The following XYLT1 variants were observed in gnomAD, a reference collection of about 807,000 sequenced individuals.
The protein encoded by XYLT1 is xylosyltransferase 1.
In XYLT1, 36 loss-of-function variants were observed where a neutral mutation model predicts 91.3. That is an observed-to-expected ratio of 0.39 (90% CI 0.30 to 0.52). The LOEUF (loss-of-function observed/expected upper bound fraction) is 0.52, where lower values mean the gene tolerates loss of function less well. XYLT1 is among the 20% of genes least tolerant of loss of function. The pLI, the probability that XYLT1 is intolerant of heterozygous loss-of-function variation, is 0.68. For missense variants in XYLT1, 1,242 were observed against 1,284.5 expected (o/e 0.97, Z 0.51); for synonymous variants, 588 against 532.0 (o/e 1.11, Z -1.45).
chr16:17,455,618 A>G (rs1279961865), intron 1 of XYLT1, among the ~76,000 whole-genome samples: 1 of 134,238 alleles, frequency 7.4e-6, no homozygotes, highest in Admixed American at 7.5e-5. Context: ...AAATAAATAA[A>G]TAAATAAAAG....
intron 2 of XYLT1, chr16:17,355,047 A>C (rs2035275307): frequency 6.5e-6 from 1 of 152,672 alleles, no homozygotes. Flanking sequence ...CATCGTTTGC[A>C]GACAAATTGA....
At chr16:17,204,359 A>G (rs1365298593) in intron 3 of XYLT1, among the ~76,000 whole-genome samples, 1 of 151,990 alleles carries the variant, frequency 6.6e-6, no homozygotes, top group Non-Finnish European at 1.5e-5. Flanking sequence ...CCAGCAAGAG[A>G]GCTCCCTTGG....
chr16:17,199,715 G>A (rs547771289), intron 4 of XYLT1, among the ~76,000 whole-genome samples: 1 of 152,070 alleles, frequency 6.6e-6, no homozygotes, highest in Non-Finnish European at 1.5e-5. Flanking sequence ...TCTTGCTGCC[G>A]CCATGTAAGA....
At chr16:17,342,883 T>C (rs1441441670) in intron 2 of XYLT1, among the ~76,000 whole-genome samples, 1 of 152,224 alleles carries the variant, frequency 6.6e-6, no homozygotes, top group Non-Finnish European at 1.5e-5. Flanking sequence ...TGATCAATAT[T>C]ATCACATGAT....
At chr16:17,256,425 G>A (rs187138117) in intron 3 of XYLT1, among the ~76,000 whole-genome samples, 134 of 152,172 alleles carry the variant, frequency 8.8e-4, no homozygotes, top group African/African-American at 3.1e-3. Context: ...GGCCGAGGCG[G>A]GTGGATCACT....
chr16:17,468,102 T>C (rs1343224707), intron 1 of XYLT1, among the ~76,000 whole-genome samples: 1 of 152,168 alleles, frequency 6.6e-6, no homozygotes, highest in East Asian at 1.9e-4. Context: ...GCTCCAGCTA[T>C]ACCAGACTTT....
chr16:17,383,758 T>C (rs1412394875), intron 1 of XYLT1, among the ~76,000 whole-genome samples: 2 of 150,514 alleles, frequency 1.3e-5, no homozygotes, highest in Non-Finnish European at 3.0e-5. Flanking sequence ...TTTTCTTTTT[T>C]TTTTTTGAGA....
chr16:17,147,325 T>G (rs2125191), intron 6 of XYLT1, among the ~76,000 whole-genome samples: 19,172 of 152,152 alleles, frequency 0.13, 1,669 homozygotes, highest in African/African-American at 0.25. Context: ...GTATTCAAAC[T>G]TACATGGTTA....
At chr16:17,120,281 T>C (rs1054757366) in intron 10 of XYLT1, among the ~76,000 whole-genome samples, 1 of 151,524 alleles carries the variant, frequency 6.6e-6, no homozygotes, top group Non-Finnish European at 1.5e-5. Context: ...ATTTTCCTGC[T>C]TACAACCCCT....
At chr16:17,196,598 T>C (rs114787149) in intron 5 of XYLT1, among the ~76,000 whole-genome samples, 302 of 152,308 alleles carry the variant, frequency 2.0e-3, no homozygotes, top group African/African-American at 6.9e-3. Context: ...GTTGCCTTAA[T>C]AAAAGTTTTA....
At chr16:17,146,303 C>T (rs1056011624) in intron 6 of XYLT1, among the ~76,000 whole-genome samples, 13 of 152,280 alleles carry the variant, frequency 8.5e-5, no homozygotes, top group Middle Eastern at 3.4e-3. Flanking sequence ...ATGGCGATGA[C>T]GGTAACGCTG....
intron 2 of XYLT1, among the ~76,000 whole-genome samples, chr16:17,316,890 C>T (rs545939577): frequency 3.3e-5 from 5 of 150,004 alleles, no homozygotes; most frequent in South Asian, 2.1e-4. Context: ...GGCGCAATCT[C>T]GGCTCACTGC....
At chr16:17,146,580 C>G (rs1452100166) in intron 6 of XYLT1, among the ~76,000 whole-genome samples, 1 of 152,148 alleles carries the variant, frequency 6.6e-6, no homozygotes, top group Non-Finnish European at 1.5e-5. Context: ...GAAGAACACA[C>G]ATTCTGAAAT....
intron 1 of XYLT1, among the ~76,000 whole-genome samples, chr16:17,436,528 T>C (rs769145331): frequency 1.3e-4 from 20 of 152,346 alleles, no homozygotes; most frequent in Non-Finnish European, 2.4e-4. Flanking sequence ...AAACTGAATT[T>C]GATCATCTTA....
intron 2 of XYLT1, among the ~76,000 whole-genome samples, chr16:17,296,904 C>T (rs1304791543): frequency 6.6e-6 from 1 of 152,194 alleles, no homozygotes; most frequent in East Asian, 1.9e-4. Context: ...GTCTTTGAGT[C>T]TCAATTTCCT....
intron 2 of XYLT1, among the ~76,000 whole-genome samples, chr16:17,356,114 C>G (rs147067856): frequency 3.7e-4 from 57 of 152,124 alleles, no homozygotes; most frequent in African/African-American, 1.4e-3. Flanking sequence ...TGTAAACCCC[C>G]CAACCAGATG....
intron 5 of XYLT1, among the ~76,000 whole-genome samples, chr16:17,180,273 C>T (rs1333852657): frequency 6.6e-6 from 1 of 152,166 alleles, no homozygotes; most frequent in Non-Finnish European, 1.5e-5. Context: ...CCCAGCAAAG[C>T]AATTTGGATT....
intron 2 of XYLT1, among the ~76,000 whole-genome samples, chr16:17,327,280 T>G (rs541317976): frequency 2.6e-4 from 39 of 151,750 alleles, no homozygotes; most frequent in African/African-American, 8.9e-4. Flanking sequence ...ACAAAGTAGA[T>G]AAAACACCTG....
At chr16:17,296,226 ACAAAACAAAACAAAC>A (rs2034307644) in intron 2 of XYLT1, among the ~76,000 whole-genome samples, 1 of 150,456 alleles carries the variant, frequency 6.6e-6, no homozygotes, top group Non-Finnish European at 1.5e-5. Context: ...ACAAAACAAA[ACAAAACAAAACAAAC>A]CTAAACCAAA....
Sources: allele counts gnomAD v4.1 joint callset (sites outside exome capture counted in the v4.1 genomes callset), GRCh38; gene constraint gnomAD v4.1.1; transcripts MANE v1.5; gene names NCBI Gene and HGNC (gene_info 2026-07-23, HGNC 2026-07-21).